Variants in KRABD3 observed in about 807,000 individuals in gnomAD.
The protein encoded by KRABD3 is KRAB domain containing 3.
At chr7:149,731,890 G>C in the KRABD3 span, 3 of 679,420 alleles carry the variant, frequency 4.4e-6, no homozygotes, top group Non-Finnish European at 7.8e-6. Context: ...AGTCTCACCT[G>C]TAATGCACTT....
chr7:149,726,035 G>A, the KRABD3 span: 3 of 1,612,612 alleles, frequency 1.9e-6, no homozygotes, highest in Non-Finnish European at 1.7e-6. Context: ...GTCCTGTGGG[G>A]AACCAGGGGC....
At chr7:149,725,367 C>T in the KRABD3 span, 1 of 1,606,628 alleles carries the variant, frequency 6.2e-7, no homozygotes, top group East Asian at 2.2e-5. Context: ...GTCTGAAGGG[C>T]ATTCCCCCAA....
chr7:149,721,767 C>T, the KRABD3 span: 1 of 681,462 alleles, frequency 1.5e-6, no homozygotes. Flanking sequence ...TGTCATCCCG[C>T]CCCGATCACT....
chr7:149,728,715 G>GTAGACA, the KRABD3 span: 20 of 1,599,646 alleles, frequency 1.3e-5, no homozygotes, highest in Admixed American at 2.4e-4. Flanking sequence ...AGACAGGGCT[G>GTAGACA]CTCTGAGGAT....
At chr7:149,725,308 G>T in the KRABD3 span, 5 of 1,573,248 alleles carry the variant, frequency 3.2e-6, no homozygotes, top group African/African-American at 5.4e-5. Context: ...GCTCTCTCCT[G>T]TTCCAGCTGC....
the KRABD3 span, chr7:149,722,157 C>G: frequency 9.8e-6 from 5 of 510,026 alleles, no homozygotes; most frequent in Non-Finnish European, 1.4e-5. Flanking sequence ...GAGATTGTGG[C>G]CTACATGTCA....
the KRABD3 span, chr7:149,722,543 C>T: frequency 1.9e-6 from 3 of 1,609,208 alleles, no homozygotes; most frequent in Non-Finnish European, 2.5e-6. Context: ...AGAGAGGGAC[C>T]TCAGAGGCCG....
chr7:149,724,782 CCT>C, the KRABD3 span: 1 of 1,588,400 alleles, frequency 6.3e-7, no homozygotes, highest in Non-Finnish European at 8.6e-7. Context: ...GCAGGCAGCC[CCT>C]CAGTCCCTCA....
chr7:149,726,177 G>A, the KRABD3 span: 5 of 887,350 alleles, frequency 5.6e-6, no homozygotes, highest in Non-Finnish European at 3.4e-6. Context: ...AGCAGAGCCA[G>A]GGATACTGAG....
At chr7:149,730,620 G>A in the KRABD3 span, 1 of 1,588,956 alleles carries the variant, frequency 6.3e-7, no homozygotes, top group East Asian at 2.3e-5. Flanking sequence ...AGAGGACCAG[G>A]AGTCCAGACT....
the KRABD3 span, among the ~76,000 whole-genome samples, chr7:149,717,647 C>T: frequency 4.6e-5 from 7 of 152,230 alleles, no homozygotes; most frequent in African/African-American, 1.4e-4. Flanking sequence ...TCTGGGCCTC[C>T]GGGCCTCAGG....
the KRABD3 span, chr7:149,721,246 C>A: frequency 8.7e-7 from 1 of 1,154,258 alleles, no homozygotes; most frequent in Non-Finnish European, 1.2e-6. Context: ...CATTCAGAGC[C>A]CAGTGATGAC....
At chr7:149,725,833 G>C in the KRABD3 span, 1 of 1,451,162 alleles carries the variant, frequency 6.9e-7, no homozygotes. Flanking sequence ...CATGGCCCAG[G>C]AGTCTCTTCT....
chr7:149,722,319 G>A, the KRABD3 span: 1 of 1,505,858 alleles, frequency 6.6e-7, no homozygotes, highest in Non-Finnish European at 9.0e-7. Flanking sequence ...ACAGGGACTT[G>A]GGTGGCTGGA....
the KRABD3 span, chr7:149,729,052 C>A: frequency 2.9e-6 from 2 of 688,160 alleles, no homozygotes; most frequent in Non-Finnish European, 2.2e-6. Flanking sequence ...TGGAACATGA[C>A]AGATGGGTGT....
chr7:149,715,499 A>G, the KRABD3 span: 1 of 327,598 alleles, frequency 3.1e-6, no homozygotes, highest in Non-Finnish European at 4.4e-6. Flanking sequence ...AACTGGAGGG[A>G]GAGCCCCAGG....
the KRABD3 span, among the ~76,000 whole-genome samples, chr7:149,718,701 G>GAC: frequency 6.6e-6 from 1 of 151,872 alleles, no homozygotes; most frequent in Non-Finnish European, 1.5e-5. Flanking sequence ...TTTTAGTAGA[G>GAC]ACAAGGTTTC....
the KRABD3 span, among the ~76,000 whole-genome samples, chr7:149,731,492 C>T: frequency 6.6e-6 from 1 of 152,266 alleles, no homozygotes; most frequent in Admixed American, 6.5e-5. Flanking sequence ...ACCACACACA[C>T]ACGCACCGCG....
chr7:149,725,152 C>T, the KRABD3 span, among the ~76,000 whole-genome samples: 12 of 152,164 alleles, frequency 7.9e-5, no homozygotes, highest in Non-Finnish European at 1.2e-4. Flanking sequence ...GGGCGAGAGC[C>T]GATCAGTCTC....
Sources: allele counts gnomAD v4.1 joint callset (sites outside exome capture counted in the v4.1 genomes callset), GRCh38; gene constraint gnomAD v4.1.1; transcripts MANE v1.5; gene names NCBI Gene and HGNC (gene_info 2026-07-23, HGNC 2026-07-21).